The following PTK2B variants were observed in gnomAD, a reference collection of about 807,000 sequenced individuals.
The protein encoded by PTK2B is protein-tyrosine kinase 2-beta.
In PTK2B, 71 loss-of-function variants were observed where a neutral mutation model predicts 142.9. The observed-to-expected ratio is 0.50, with a 90% confidence interval of 0.41 to 0.61. The LOEUF (loss-of-function observed/expected upper bound fraction) is 0.61. PTK2B is among the 20% of genes least tolerant of loss of function. The pLI is 0.00. For missense variants in PTK2B, 1,105 were observed against 1,320.4 expected (o/e 0.84, Z 2.53); for synonymous variants, 519 against 503.4 (o/e 1.03, Z -0.42).
At chr8:27,352,012 T>C (rs1437875621) in intron 1 of PTK2B, among the ~76,000 whole-genome samples, 1 of 152,176 alleles carries the variant, frequency 6.6e-6, no homozygotes, top group Non-Finnish European at 1.5e-5. Context: ...CAGGCTGCTG[T>C]TTGGGCTTCA....
intron 1 of PTK2B, among the ~76,000 whole-genome samples, chr8:27,338,166 T>TG (rs1435120409): frequency 6.6e-6 from 1 of 151,920 alleles, no homozygotes; most frequent in Non-Finnish European, 1.5e-5. Flanking sequence ...TATGTCTTCT[T>TG]GGGAAAAAAA....
intron 14 of PTK2B, 127 bp downstream of exon 14, chr8:27,435,920 A>C (rs1810747326): frequency 1.6e-6 from 2 of 1,242,998 alleles, no homozygotes; most frequent in Non-Finnish European, 2.3e-6. Flanking sequence ...AGACTTAGAC[A>C]GTGGCAAACC....
chr8:27,436,693 A>C (rs1296399626), intron 15 of PTK2B, among the ~76,000 whole-genome samples: 1 of 152,188 alleles, frequency 6.6e-6, no homozygotes, highest in African/African-American at 2.4e-5. Flanking sequence ...AAGGCCAGTG[A>C]TGGGGCAGGG....
chr8:27,330,600 T>C (rs1197535805), intron 1 of PTK2B, among the ~76,000 whole-genome samples: 1 of 152,066 alleles, frequency 6.6e-6, no homozygotes, highest in African/African-American at 2.4e-5. Context: ...CTCCTAACTC[T>C]GTGTACAAAG....
intron 5 of PTK2B, among the ~76,000 whole-genome samples, chr8:27,428,461 CTG>C (rs1408885551): frequency 6.6e-6 from 1 of 152,248 alleles, no homozygotes; most frequent in Non-Finnish European, 1.5e-5. Flanking sequence ...TTACCTCCCT[CTG>C]TCAGACACTC....
chr8:27,350,104 T>G (rs1431251465), intron 1 of PTK2B, among the ~76,000 whole-genome samples: 2 of 152,190 alleles, frequency 1.3e-5, no homozygotes, highest in East Asian at 3.8e-4. Flanking sequence ...CAAAGCATGA[T>G]AAAGGTACGG....
intron 5 of PTK2B, among the ~76,000 whole-genome samples, chr8:27,424,813 C>G (rs750237249): frequency 6.6e-5 from 10 of 152,080 alleles, no homozygotes; most frequent in Non-Finnish European, 8.8e-5. Flanking sequence ...GCAATAACCC[C>G]TTGTCCTATT....
intron 28 of PTK2B, 142 bp downstream of exon 28, chr8:27,453,302 G>T: frequency 8.9e-7 from 1 of 1,119,560 alleles, no homozygotes; most frequent in Non-Finnish European, 1.3e-6. Context: ...GGGGTTAGGG[G>T]GCGGGTGGCG....
intron 1 of PTK2B, among the ~76,000 whole-genome samples, chr8:27,391,553 C>T (rs570014665): frequency 1.2e-4 from 19 of 152,192 alleles, no homozygotes; most frequent in Admixed American, 5.9e-4. Flanking sequence ...GTTAAGTTTT[C>T]CTGTGATATT....
intron 3 of PTK2B, among the ~76,000 whole-genome samples, chr8:27,315,465 C>T (rs1214754257): frequency 6.6e-6 from 1 of 152,136 alleles, no homozygotes; most frequent in Non-Finnish European, 1.5e-5. Context: ...CAACGCTACA[C>T]TCCAGATAGC....
chr8:27,453,270 C>T, intron 28 of PTK2B, 110 bp downstream of exon 28: 1 of 1,437,042 alleles, frequency 7.0e-7, no homozygotes, highest in Admixed American at 1.8e-5. Context: ...AGTTCAGTGT[C>T]CTCATGATAC....
rs1805719462 is a variant in PTK2B at position 27,361,747 on chromosome 8, TGC to T, written c.-37-35800_-37-35799del. ...GGTGGTGGTTGTGGCTGAGGCCCACTGCCTGCTTTTCTGGTGCTCTCAATGAA... is the reference window on the plus strand; with the variant it reads ...GGTGGTGGTTGTGGCTGAGGCCCACTCTGCTTTTCTGGTGCTCTCAATGAA... On this transcript the variant is annotated intron_variant, in intron 1 of 30. Coordinates refer to ENST00000346049, the MANE Select transcript of PTK2B (RefSeq NM_173176.3). Among the ~76,000 whole-genome samples, 22 of 152,274 alleles carry T rather than the reference TGC, an allele frequency of 1.4e-4. No homozygotes were observed. In the South Asian group the frequency reaches 4.3e-3, roughly 30 times the overall value.
chr8:27,425,068 G>A (rs1809994801), intron 5 of PTK2B, among the ~76,000 whole-genome samples: 3 of 136,874 alleles, frequency 2.2e-5, no homozygotes, highest in Admixed American at 2.1e-4. Flanking sequence ...GTCACGTTGT[G>A]TTACTATAAA....
intron 1 of PTK2B, among the ~76,000 whole-genome samples, chr8:27,390,165 T>G (rs1807627265): frequency 6.6e-6 from 1 of 151,790 alleles, no homozygotes; most frequent in African/African-American, 2.4e-5. Flanking sequence ...AGACAGGCAA[T>G]GGGGCTGTGC....
chr8:27,442,078 GT>G (rs1303317023), intron 21 of PTK2B, among the ~76,000 whole-genome samples: 4 of 152,150 alleles, frequency 2.6e-5, no homozygotes, highest in African/African-American at 9.7e-5. Context: ...TTTGATCAGT[GT>G]TTCCTAACCG....
rs774413340 is a variant in PTK2B at position 27,458,773 on chromosome 8, C to A, written c.*264C>A. 1.3e-5 allele frequency: 7 copies of A among 542,516 alleles called. No individual in the cohort carries two copies. The highest frequency in any genetic ancestry group is 2.3e-5 in the Non-Finnish European group (7 of 299,750). 33.6% of individuals were successfully genotyped at this position (542,516 alleles called of 1,614,324 possible). On this transcript the variant is annotated 3_prime_UTR_variant, in exon 31 of 31. Transcript: ENST00000346049. ...GGGGACTGCTGCTGCCTGGCCACTGCTCCCTAAGCCAGCCTGGTCCATGCA... is the reference window on the plus strand; with the variant it reads ...GGGGACTGCTGCTGCCTGGCCACTGATCCCTAAGCCAGCCTGGTCCATGCA...
intron 28 of PTK2B, 144 bp from the exon 29 acceptor site, chr8:27,454,010 G>A (rs371758854): frequency 8.4e-6 from 10 of 1,192,338 alleles, no homozygotes; most frequent in South Asian, 5.6e-5. Flanking sequence ...AATGCACCCC[G>A]GGACAGGGCA....
chr8:27,326,996 G>A (rs934998455), intron 1 of PTK2B: 4 of 152,282 alleles, frequency 2.6e-5, no homozygotes, highest in Admixed American at 6.5e-5. Context: ...AGAGGGCTGT[G>A]GGGGGAGCCA....
chr8:27,418,289 A>G (rs915029629), intron 2 of PTK2B, among the ~76,000 whole-genome samples: 1 of 152,258 alleles, frequency 6.6e-6, no homozygotes, highest in Non-Finnish European at 1.5e-5. Flanking sequence ...AGCCCGAGAC[A>G]GATGGGTGCC....
Sources: allele counts gnomAD v4.1 joint callset (sites outside exome capture counted in the v4.1 genomes callset), GRCh38; gene constraint gnomAD v4.1.1; transcripts MANE v1.5; gene names NCBI Gene and HGNC (gene_info 2026-07-23, HGNC 2026-07-21).